The following EFNA5 variants were observed in gnomAD, a reference collection of about 807,000 sequenced individuals.
EFNA5 encodes the protein ephrin-A5.
A neutral mutation model predicts 22.9 loss-of-function variants in EFNA5; 5 were observed. The ratio of observed to expected loss-of-function variants is 0.22; its 90% CI spans 0.11 to 0.46. The LOEUF is 0.46. EFNA5 is among the 20% of genes least tolerant of loss of function. The probability of loss-of-function intolerance (pLI) is 0.99; values close to 1 mark genes in which losing one functional copy is unlikely to be tolerated. For missense variants in EFNA5, 237 were observed against 293.3 expected, an observed-to-expected ratio of 0.81 and a Z score of 1.40; for synonymous variants, 113 against 112.2, an observed-to-expected ratio of 1.01 and a Z score of -0.04.
rs142147046 is a variant in EFNA5, at chr5:107,422,286, T to A, written c.418+4931A>T. 1.3e-4 allele frequency among the ~76,000 whole-genome samples: 20 copies of A among 152,316 alleles called. No individual in the cohort carries two copies. In the East Asian group the frequency reaches 3.3e-3, roughly 25 times the overall value. On this transcript the variant is annotated intron_variant, in intron 2 of 4. Transcript: ENST00000333274. The stretch of plus-strand genomic sequence containing the variant: ...GTACATGCTATATAAATTCTAGTTA[T>A]CCTTACTTATTAAACATCTGCATGT...
At chr5:107,643,825 C>T (rs868824173) in intron 1 of EFNA5, among the ~76,000 whole-genome samples, 2 of 151,724 alleles carry the variant, frequency 1.3e-5, no homozygotes, top group African/African-American at 4.8e-5. Flanking sequence ...AAAGGTATTT[C>T]CCCCCTCAAC....
chr5:107,481,582 T>G (rs1461202936), intron 1 of EFNA5, among the ~76,000 whole-genome samples: 3 of 152,148 alleles, frequency 2.0e-5, no homozygotes, highest in African/African-American at 7.2e-5. Context: ...CCAGGTATGG[T>G]GGCTCATGCC....
intron 1 of EFNA5, among the ~76,000 whole-genome samples, chr5:107,449,289 G>T (rs1027933490): frequency 2.0e-5 from 3 of 151,800 alleles, no homozygotes; most frequent in African/African-American, 7.3e-5. Flanking sequence ...AGTGTCCAAC[G>T]CCTAGAGGCA....
chr5:107,571,520 A>G (rs1328400006), intron 1 of EFNA5, among the ~76,000 whole-genome samples: 2 of 150,448 alleles, frequency 1.3e-5, no homozygotes, highest in Non-Finnish European at 3.0e-5. Flanking sequence ...GCTGCTTATA[A>G]ATTACCAAGG....
chr5:107,424,723 A>C (rs1293861304), intron 2 of EFNA5, among the ~76,000 whole-genome samples: 2 of 152,182 alleles, frequency 1.3e-5, no homozygotes, highest in African/African-American at 4.8e-5. Flanking sequence ...ACATTAGGGA[A>C]GAGGAAAATT....
At chr5:107,403,556 A>G (rs960731720) in intron 2 of EFNA5, among the ~76,000 whole-genome samples, 7 of 152,330 alleles carry the variant, frequency 4.6e-5, no homozygotes, top group African/African-American at 4.8e-5. Context: ...TGCATTCTAC[A>G]TTACAGTTTC....
At chr5:107,597,687 G>A (rs1207454322) in intron 1 of EFNA5, among the ~76,000 whole-genome samples, 1 of 152,148 alleles carries the variant, frequency 6.6e-6, no homozygotes. Context: ...CTCAAGCCTT[G>A]TGTATTGTTG....
At chr5:107,458,252 A>G (rs1412350072) in intron 1 of EFNA5, among the ~76,000 whole-genome samples, 1 of 152,156 alleles carries the variant, frequency 6.6e-6, no homozygotes, top group Non-Finnish European at 1.5e-5. Flanking sequence ...CAGTCATTCA[A>G]ACACCTTCCC....
intron 1 of EFNA5, among the ~76,000 whole-genome samples, chr5:107,459,953 C>T (rs1749790952): frequency 6.6e-6 from 1 of 152,148 alleles, no homozygotes; most frequent in Non-Finnish European, 1.5e-5. Flanking sequence ...ATCTCTCTTC[C>T]ACTCTGCACG....
chr5:107,625,648 TG>T (rs1331467653), intron 1 of EFNA5, among the ~76,000 whole-genome samples: 2 of 152,136 alleles, frequency 1.3e-5, no homozygotes, highest in Non-Finnish European at 2.9e-5. Context: ...GCTTATTCAC[TG>T]GAAAATAAAG....
chr5:107,464,197 G>A (rs370189306), intron 1 of EFNA5, among the ~76,000 whole-genome samples: 4 of 152,116 alleles, frequency 2.6e-5, no homozygotes, highest in South Asian at 2.1e-4. Context: ...ATTCAGCCCC[G>A]GGACCAGCAG....
intron 1 of EFNA5, among the ~76,000 whole-genome samples, chr5:107,459,960 C>A (rs983207030): frequency 6.6e-6 from 1 of 152,144 alleles, no homozygotes; most frequent in Non-Finnish European, 1.5e-5. Flanking sequence ...TTCCACTCTG[C>A]ACGCCTCAAA....
chr5:107,587,621 A>T (rs916567560), intron 1 of EFNA5, among the ~76,000 whole-genome samples: 5 of 152,242 alleles, frequency 3.3e-5, no homozygotes, highest in Non-Finnish European at 5.9e-5. Flanking sequence ...GGTTCATGCC[A>T]TTCTCCTGCC....
In EFNA5 at chr5:107,597,273, A is replaced by G. The variant is rs354186; in HGVS notation, c.125+73216T>C. Among the ~76,000 whole-genome samples, 70 of 152,338 alleles carry G rather than the reference A, an allele frequency of 4.6e-4. 1 individual carries two copies. Among genetic ancestry groups the G allele is most frequent in the Admixed American group, 2.8e-3 (43 of 15,292 alleles). ...TATATCTACATACCATAAGGTATGC[A>G]TGAGTAGGCAAAGACAGATAACATA... On this transcript the variant is annotated intron_variant, in intron 1 of 4. Coordinates refer to ENST00000333274, the MANE Select transcript of EFNA5 (RefSeq NM_001962.3).
At chr5:107,606,334 T>C (rs1351462417) in intron 1 of EFNA5, among the ~76,000 whole-genome samples, 1 of 152,200 alleles carries the variant, frequency 6.6e-6, no homozygotes, top group Non-Finnish European at 1.5e-5. Flanking sequence ...CAGATTAGAA[T>C]AGCATTGGCC....
At chr5:107,663,564 T>C (rs941668856) in intron 1 of EFNA5, among the ~76,000 whole-genome samples, 2 of 152,136 alleles carry the variant, frequency 1.3e-5, no homozygotes, top group Non-Finnish European at 2.9e-5. Context: ...TAAGCTATAA[T>C]AGAAAGAATA....
At chr5:107,434,688 C>T (rs1216034051) in intron 1 of EFNA5, among the ~76,000 whole-genome samples, 3 of 152,162 alleles carry the variant, frequency 2.0e-5, no homozygotes, top group Non-Finnish European at 4.4e-5. Context: ...AATATAGAAA[C>T]AGCATTACTG....
chr5:107,476,057 T>TATATATATATA, intron 1 of EFNA5, among the ~76,000 whole-genome samples: 6 of 100,384 alleles, frequency 6.0e-5, no homozygotes, highest in African/African-American at 1.0e-4. Context: ...TATATATATA[T>TATATATATATA]TTTTTTTTTT....
rs528288390 is a variant in EFNA5 at position 107,609,113 on chromosome 5, C to T, written c.125+61376G>A. On this transcript the variant is annotated intron_variant, in intron 1 of 4. Coordinates refer to ENST00000333274, the MANE Select transcript of EFNA5 (RefSeq NM_001962.3). ...TATAAAAGAAAAAATCTCAAATCAT[C>T]AAGTGGCTGTTAAATTAAGTAAGAA... Among the ~76,000 whole-genome samples the T allele has an allele frequency of 3.9e-5, 6 of 152,006 alleles. No individual in the cohort carries two copies. In the South Asian group the frequency reaches 1.2e-3, roughly 32 times the overall value.
Sources: gnomAD v4.1 joint callset for allele counts (sites outside exome capture counted in the v4.1 genomes callset) on GRCh38, gnomAD v4.1.1 for gene constraint, MANE v1.5 for transcripts, NCBI Gene and HGNC (gene_info 2026-07-23, HGNC 2026-07-21) for gene names.